The following ACAP3 variants were observed in gnomAD, a reference collection of about 807,000 sequenced individuals.
ACAP3 encodes ArfGAP with coiled-coil, ankyrin repeat and PH domains 3.
Under a neutral mutation model 104.1 loss-of-function variants are expected in ACAP3, and 56 were observed. The ratio of observed to expected loss-of-function variants is 0.54; its 90% confidence interval spans 0.43 to 0.67. ACAP3 has a LOEUF of 0.67. ACAP3 is among the 30% of genes least tolerant of loss of function. The probability of loss-of-function intolerance (pLI) is 0.00; values close to 1 mark genes in which losing one functional copy is unlikely to be tolerated. For missense variants in ACAP3, 1,208 were observed against 1,174.9 expected (o/e 1.03, Z -0.41); for synonymous variants, 628 against 496.2 (o/e 1.27, Z -3.53).
rs778666650 is a variant in ACAP3, at chr1:1,296,537, C to A, written c.1225G>T (p.Val409Leu). ...TGGCTGTTGCCGGCCACACTCTGCACACGCTGCAGCACACTCTCGCCCTTC... is the reference window on the plus strand; with the variant it reads ...TGGCTGTTGCCGGCCACACTCTGCAAACGCTGCAGCACACTCTCGCCCTTC... ...GVKGESVLQR[V>L]QSVAGNSQCG... The change falls in exon 15 of 24, where the codon GTG becomes TTG. Residue 409 changes from valine to leucine, a missense_variant. Coordinates refer to ENST00000354700, the MANE Select transcript of ACAP3 (RefSeq NM_030649.3). 12 of 1,539,674 alleles carry A rather than the reference C, an allele frequency of 7.8e-6. No individual in the cohort carries two copies. Among genetic ancestry groups the A allele is most frequent in the Non-Finnish European group, 9.6e-6 (11 of 1,146,704 alleles).
In ACAP3 at chr1:1,294,601, C is replaced by T. The variant is rs1462708866; in HGVS notation, c.1940G>A (p.Gly647Asp). ...EEGAESEESS[G>D]EADGDTEAEA... ...GGCCTCAGTGTCCCCGTCTGCCTCA[C>T]CGCTGGACTCCTCCGACTCTGCACC... The change falls in exon 21 of 24, where the codon GGT (glycine) becomes GAT (aspartate). Residue 647 changes from glycine (G) to aspartate (D), a missense_variant. Transcript: ENST00000354700. 15 of 1,525,002 alleles carry T rather than the reference C, an allele frequency of 9.8e-6. No individual in the cohort carries two copies. Among genetic ancestry groups the T allele is most frequent in the Non-Finnish European group, 8.8e-6 (10 of 1,139,610 alleles). The allele number at this position is 1,525,002 out of a possible 1,614,324, so 94.5% of individuals were successfully genotyped here. A position where few individuals can be genotyped will look rare whatever the true frequency, so the allele number is the denominator to read the frequency against.
Position 1,293,431 on chromosome 1 carries a change from C to T in ACAP3, c.*133G>A, listed in dbSNP as rs906604399. The T allele has an allele frequency of 8.3e-5, 78 of 941,356 alleles. 1 individual carries two copies. In the South Asian group the frequency reaches 2.1e-3, roughly 25 times the overall value. 58.3% of individuals were successfully genotyped at this position (941,356 alleles called of 1,614,324 possible). ...TCCTCCTGGGCGAGCAGGGCCGCGG[C>T]GCCCCAGCACTGGGGCTGCCAGGTA... On this transcript the variant is annotated 3_prime_UTR_variant, in exon 24 of 24. Coordinates refer to ENST00000354700, the MANE Select transcript of ACAP3 (RefSeq NM_030649.3).
chr1:1,296,624 G>C lies in ACAP3; in HGVS notation c.1138C>G (p.Arg380Gly), dbSNP rs149746396. ...CTGCTCGTGGACGGGGATGCTGTGC[G>C]GTCCAGCCTCTGGAGGATGGGGTGG... Reference protein sequence around the residue: ...PDSCYSERLDRTASPSTSSID... With the variant: ...PDSCYSERLDGTASPSTSSID... The change falls in exon 15 of 24, where the codon CGC becomes GGC. Residue 380 changes from arginine (R) to glycine (G), a missense_variant. By Grantham distance (125) the Arg-to-Gly change is moderately radical (BLOSUM62 -2). Coordinates refer to ENST00000354700, the MANE Select transcript of ACAP3 (RefSeq NM_030649.3). The C allele has an allele frequency of 3.3e-6, 5 of 1,536,108 alleles. No homozygotes were observed. In the South Asian group the frequency reaches 3.6e-5, roughly 11 times the overall value.
chr1:1,297,693 G>C (rs1395350862), intron 14 of ACAP3, 129 bp downstream of exon 14: 1 of 736,892 alleles, frequency 1.4e-6, no homozygotes, highest in Non-Finnish European at 1.9e-6. Context: ...CCGGTGGCAC[G>C]TGTGCACGGG....
chr1:1,300,158 A>G lies in ACAP3; in HGVS notation c.567T>C (p.Ser189=). Residue 189 remains serine (S), a splice_region_variant and synonymous_variant, in exon 7 of 24, where the codon TCT becomes TCC. Coordinates refer to ENST00000354700, the MANE Select transcript of ACAP3 (RefSeq NM_030649.3). ...QAKKKFEILD[S]MLSFMHAQSS... is the part of the protein sequence containing the mutation. ...TCAGGGGCAGCCCCCACGCACTCACAGAGTCCAGGATCTCAAACTTCTTCT... is the reference window on the plus strand; with the variant it reads ...TCAGGGGCAGCCCCCACGCACTCACGGAGTCCAGGATCTCAAACTTCTTCT... 6.2e-7 allele frequency: 1 copy of G among 1,610,466 alleles called. No homozygotes were observed.
At position 1,298,999 on chromosome 1, in the gene ACAP3, G is replaced by GC. The variant is rs1034046595; in HGVS notation, c.751-321dup. The GC allele has an allele frequency of 1.4e-5, 8 of 555,640 alleles. No individual in the cohort carries two copies. The African/African-American group carries it at 1.6e-4, about 11-fold the overall frequency. The allele number at this position is 555,640 out of a possible 1,614,324, so 34.4% of individuals were successfully genotyped here. A position where few individuals can be genotyped will look rare whatever the true frequency, so the allele number is the denominator to read the frequency against. ...CGCCCCCACCCTCCGCATCCTGAGT[G>GC]CCCCATTCATGTGGCCAGCTGGGCG... On this transcript the variant is annotated intron_variant, in intron 10 of 23. Coordinates refer to ENST00000354700, the MANE Select transcript of ACAP3 (RefSeq NM_030649.3).
intron 19 of ACAP3, 100 bp downstream of exon 19, chr1:1,295,347 C>T: frequency 8.8e-7 from 1 of 1,138,602 alleles, no homozygotes; most frequent in African/African-American, 1.5e-5. Flanking sequence ...CCTTCAGATG[C>T]TGCTCCATTC....
intron 9 of ACAP3, 100 bp from the exon 10 acceptor site, chr1:1,299,456 G>C (rs926708192): frequency 7.4e-7 from 1 of 1,356,852 alleles, no homozygotes; most frequent in African/African-American, 1.5e-5. Context: ...CCTGGTGACT[G>C]GTGGACCCGT....
chr1:1,298,540 C>A, intron 11 of ACAP3, 27 bp downstream of exon 11: 1 of 1,549,612 alleles, frequency 6.5e-7, no homozygotes, highest in Non-Finnish European at 8.8e-7. Context: ...CTAAGGACCC[C>A]GCCCCCACCT....
At position 1,293,811 on chromosome 1, in the gene ACAP3, G is replaced by A. The variant is rs773134204; in HGVS notation, c.2360+12C>T. 5.9e-5 allele frequency: 68 copies of A among 1,159,962 alleles called. No homozygotes were observed. Among genetic ancestry groups the A allele is most frequent in the Non-Finnish European group, 7.0e-5 (65 of 925,848 alleles). 71.9% of individuals were successfully genotyped at this position (1,159,962 alleles called of 1,614,324 possible). A position where few individuals can be genotyped will look rare whatever the true frequency, so the allele number is the denominator to read the frequency against. ...AGGCCCCGCCCAGCCCCGAGGGCCC[G>A]GCCGCGCTCACAGTGTCACGATGTC... On this transcript the variant is annotated intron_variant, in intron 23 of 23. Transcript: ENST00000354700.
At chr1:1,295,150 G>A (rs572859541) in intron 19 of ACAP3, 4 of 555,746 alleles carry the variant, frequency 7.2e-6, no homozygotes, top group South Asian at 6.8e-5. Context: ...CCAACCAACG[G>A]GCAGCATGGC....
At chr1:1,307,674 C>T (rs1641802471) in intron 1 of ACAP3, 95 bp downstream of exon 1, 2 of 1,029,840 alleles carry the variant, frequency 1.9e-6, no homozygotes, top group South Asian at 4.1e-5. Flanking sequence ...GGCCGCGGCC[C>T]GGCCCGGCGC....
rs750465525 is a variant in ACAP3 at position 1,299,900 on chromosome 1, G to A, written c.669C>T (p.Asp223=). 1 of 1,584,314 alleles carries A rather than the reference G, an allele frequency of 6.3e-7. No homozygotes were observed. Among genetic ancestry groups the A allele is most frequent in the South Asian group, 1.1e-5 (1 of 88,538 alleles). The change falls in exon 9 of 24, where the codon GAC becomes GAT. Residue 223 remains aspartate, a synonymous_variant. Coordinates refer to ENST00000354700, the MANE Select transcript of ACAP3 (RefSeq NM_030649.3). ...CCACCGCAGAGTCGATCACCAGCTG[G>A]TCCAGCTGTTGGGGGTGGCATTAGG... ...PYMKKLAAEL[D]QLVIDSAVEK... is the part of the protein sequence containing the mutation.
chr1:1,294,471 G>C lies in ACAP3; in HGVS notation c.2070C>G (p.His690Gln), dbSNP rs748911098. The C allele has an allele frequency of 1.9e-6, 3 of 1,555,938 alleles. No individual in the cohort carries two copies. The highest frequency in any genetic ancestry group is 2.6e-6 in the Non-Finnish European group (3 of 1,157,382). The change falls in exon 21 of 24, where the codon CAC (histidine) becomes CAG (glutamine). Residue 690 changes from histidine (H) to glutamine (Q), a missense_variant. Coordinates refer to ENST00000354700, the MANE Select transcript of ACAP3 (RefSeq NM_030649.3). ...DLPALAAALA[H>Q]GAEVNWADAE... ...CGTCCGCCCAGTTGACCTCGGCCCC[G>C]TGGGCCAGCGCCGCCGCCAGCGCAG...
chr1:1,294,318 A>G, intron 21 of ACAP3, 84 bp downstream of exon 21: 1 of 1,513,926 alleles, frequency 6.6e-7, no homozygotes, highest in Non-Finnish European at 8.9e-7. Context: ...CACCGCGGAC[A>G]GGCGACCCTT....
Position 1,295,830 on chromosome 1 carries a change from C to T in ACAP3, c.1611G>A (p.Lys537=). 1 of 1,611,206 alleles carries T rather than the reference C, an allele frequency of 6.2e-7. No individual in the cohort carries two copies. Among genetic ancestry groups the T allele is most frequent in the Non-Finnish European group, 8.5e-7 (1 of 1,179,946 alleles). Residue 537 remains lysine, a synonymous_variant, in exon 18 of 24, where the codon AAG becomes AAA. Transcript: ENST00000354700. ...LEAPRRWRVQ[K]CLRPHSSPRA... ...GGGGAGAGCTGTGGGGCCGCAGGCA[C>T]TTCTGCACCCTCCAGCGTCTTGGGG... is the stretch of plus-strand genomic sequence containing the variant.
intron 1 of ACAP3, chr1:1,307,239 C>G: frequency 7.8e-7 from 1 of 1,287,694 alleles, no homozygotes; most frequent in Admixed American, 2.3e-5. Context: ...TGCACACAAC[C>G]CCTACCCCCT....
At chr1:1,304,858 G>C (rs571315933) in intron 1 of ACAP3, 2 of 152,380 alleles carry the variant, frequency 1.3e-5, no homozygotes, top group Admixed American at 6.5e-5. Flanking sequence ...CAGATGGATC[G>C]GGCACGTGAC....
Position 1,293,624 on chromosome 1 carries a change from C to A in ACAP3, c.2445G>T (p.Thr815=), listed in dbSNP as rs376142702. 29 of 1,494,012 alleles carry A rather than the reference C, an allele frequency of 1.9e-5. No individual in the cohort carries two copies. Among genetic ancestry groups the A allele is most frequent in the Non-Finnish European group, 2.6e-5 (29 of 1,127,664 alleles). 92.5% of individuals were successfully genotyped at this position (1,494,012 alleles called of 1,614,324 possible). The change falls in exon 24 of 24, where the codon ACG becomes ACT. Residue 815 remains threonine (T), a synonymous_variant. Transcript: ENST00000354700. ...GGATACACCTGCGGAACTGGAGCTC[C>A]GTGGGGCTGCCCGCCAGGGCGCCCG... The part of the protein sequence containing the change: ...GPPGALAGSP[T]ELQFRRCIQE...
Sources: allele counts gnomAD v4.1 joint callset, GRCh38; gene constraint gnomAD v4.1.1; transcripts MANE v1.5; gene names NCBI Gene and HGNC (gene_info 2026-07-23, HGNC 2026-07-21).